The following PDE10A variants were observed in gnomAD, a reference collection of about 807,000 sequenced individuals.
The protein encoded by PDE10A is phosphodiesterase 10A.
PDE10A carries 39 observed loss-of-function variants against 97.7 expected under a neutral mutation model. The ratio of observed to expected loss-of-function variants is 0.40; its 90% confidence interval spans 0.31 to 0.52. PDE10A has a LOEUF of 0.52. Among genes scored for constraint, PDE10A ranks in the 20% least tolerant of loss-of-function variants. PDE10A has a pLI of 0.56. For missense variants in PDE10A, 731 were observed against 1,047.8 expected (o/e 0.70, Z 4.17); for synonymous variants, 371 against 376.8 (o/e 0.98, Z 0.18).
At chr6:165,973,995 G>A (rs1055904392) in intron 1 of PDE10A, among the ~76,000 whole-genome samples, 6 of 152,114 alleles carry the variant, frequency 3.9e-5, no homozygotes, top group South Asian at 2.1e-4. Flanking sequence ...CATCTACAAA[G>A]TACCATTTGA....
At chr6:165,656,410 G>A (rs1789970537) in intron 1 of PDE10A, among the ~76,000 whole-genome samples, 1 of 151,608 alleles carries the variant, frequency 6.6e-6, no homozygotes, top group African/African-American at 2.4e-5. Context: ...GACCATTCAT[G>A]TGCATGGCCC....
In PDE10A at chr6:165,671,696, A is replaced by T. The variant is rs1052910776; in HGVS notation, c.-614-128128T>A. Among the ~76,000 whole-genome samples, 4 of 141,530 alleles carry T rather than the reference A, an allele frequency of 2.8e-5. No homozygotes were observed. Among genetic ancestry groups the T allele is most frequent in the Non-Finnish European group, 5.9e-5 (4 of 67,592 alleles). 92.8% of individuals were successfully genotyped at this position (141,530 alleles called of 152,430 possible). On this transcript the variant is annotated intron_variant, in intron 1 of 19. Coordinates refer to the PDE10A transcript ENST00000366882. This position sits in a 1 kb window ranked among gnomAD's most constrained non-coding sequence, Gnocchi z 4.6. ...AACGGATGAAAAGCAGCTAGATATC[A>T]CACACACACACACACATATATATAG...
At chr6:165,475,228 T>C (rs868275616) in intron 3 of PDE10A, among the ~76,000 whole-genome samples, 2 of 152,210 alleles carry the variant, frequency 1.3e-5, no homozygotes, top group East Asian at 1.9e-4. Context: ...AAACTGATTA[T>C]AACATAATAT....
chr6:165,724,876 C>T (rs995837746), intron 1 of PDE10A, among the ~76,000 whole-genome samples: 4 of 152,178 alleles, frequency 2.6e-5, no homozygotes, highest in Non-Finnish European at 5.9e-5. Flanking sequence ...AGGCAGGTTC[C>T]CTGGTCAGGG....
At chr6:165,494,466 GT>G (rs1562519588) in intron 2 of PDE10A, among the ~76,000 whole-genome samples, 147 of 134,148 alleles carry the variant, frequency 1.1e-3, no homozygotes, top group African/African-American at 4.2e-3. Flanking sequence ...GGGGGGGGGT[GT>G]GTGTGTGTGT....
intron 1 of PDE10A, among the ~76,000 whole-genome samples, chr6:165,984,701 C>T (rs1354668635): frequency 4.1e-5 from 2 of 49,204 alleles, no homozygotes; most frequent in East Asian, 1.7e-3. Flanking sequence ...TTACCAAATG[C>T]CATTTTTTTT....
chr6:165,348,395 A>G (rs1044788278), intron 18 of PDE10A, among the ~76,000 whole-genome samples: 3 of 152,212 alleles, frequency 2.0e-5, no homozygotes, highest in African/African-American at 7.2e-5. Context: ...AATGGTTCTT[A>G]GTTAAGACTA....
At position 165,543,577 on chromosome 6, in the gene PDE10A, G is replaced by C; in HGVS notation, c.866-9C>G. On this transcript the variant is annotated splice_polypyrimidine_tract_variant and intron_variant, in intron 1 of 21. Transcript: ENST00000539869. ...TTTTTCATCTGTCAAACCTGTAAAA[G>C]AATTGAAAAGAATAAAATTCACCTA... The C allele has an allele frequency of 6.3e-7, 1 of 1,596,258 alleles. No homozygotes were observed. Among genetic ancestry groups the C allele is most frequent in the African/African-American group, 1.3e-5 (1 of 74,120 alleles).
intron 1 of PDE10A, among the ~76,000 whole-genome samples, chr6:165,832,197 T>A (rs1779940508): frequency 6.6e-6 from 1 of 152,122 alleles, no homozygotes; most frequent in African/African-American, 2.4e-5. Flanking sequence ...AAAGTCCAAA[T>A]GGAAAATACT....
intron 1 of PDE10A, among the ~76,000 whole-genome samples, chr6:165,901,031 G>A (rs913887590): frequency 6.6e-6 from 1 of 152,184 alleles, no homozygotes; most frequent in African/African-American, 2.4e-5. Flanking sequence ...CCCAGGCTGC[G>A]TGGGATGAAG....
upstream of PDE10A, among the ~76,000 whole-genome samples, chr6:165,664,914 C>T (rs534570977): frequency 2.0e-5 from 3 of 152,206 alleles, no homozygotes; most frequent in African/African-American, 7.2e-5. Flanking sequence ...ATACATTTAA[C>T]TTGCCCATAA....
chr6:165,675,644 T>C (rs1437765886), intron 1 of PDE10A, among the ~76,000 whole-genome samples: 1 of 152,224 alleles, frequency 6.6e-6, no homozygotes, highest in Non-Finnish European at 1.5e-5. Flanking sequence ...AACAGAATTG[T>C]TGTTGCTGAG....
chr6:165,598,820 A>T (rs1270313193), intron 1 of PDE10A, among the ~76,000 whole-genome samples: 6 of 152,190 alleles, frequency 3.9e-5, no homozygotes, highest in Admixed American at 3.9e-4. Context: ...CAGCACTGGG[A>T]CCTAGAGGGC....
chr6:165,893,597 CT>C (rs1281353183), intron 1 of PDE10A, among the ~76,000 whole-genome samples: 1 of 152,172 alleles, frequency 6.6e-6, no homozygotes, highest in Non-Finnish European at 1.5e-5. Flanking sequence ...GGAGGCTGAA[CT>C]TCTCACTCAT....
intron 1 of PDE10A, among the ~76,000 whole-genome samples, chr6:165,736,259 G>T (rs529961778): frequency 1.3e-5 from 2 of 152,312 alleles, no homozygotes; most frequent in South Asian, 4.1e-4. Context: ...GGAGTCTCTA[G>T]TCCCCTCATA....
intron 1 of PDE10A, among the ~76,000 whole-genome samples, chr6:165,879,790 G>A (rs1337666929): frequency 6.6e-6 from 1 of 151,864 alleles, no homozygotes; most frequent in African/African-American, 2.4e-5. Context: ...TTTTGTCACA[G>A]TTTTTAAAAA....
chr6:165,745,329 T>G (rs944189138), intron 1 of PDE10A, among the ~76,000 whole-genome samples: 2 of 152,226 alleles, frequency 1.3e-5, no homozygotes, highest in Non-Finnish European at 2.9e-5. Context: ...TCCAGGATGT[T>G]TTCTAACCTT....
At chr6:165,678,409 C>T (rs562256089) in intron 1 of PDE10A, among the ~76,000 whole-genome samples, 1 of 132,792 alleles carries the variant, frequency 7.5e-6, no homozygotes, top group Admixed American at 7.9e-5. Context: ...CCTTTGTACT[C>T]AGACCTTCTT....
In PDE10A at chr6:165,531,229, G is replaced by T. The variant is rs1390668173; in HGVS notation, c.994+12211C>A. Among the ~76,000 whole-genome samples the T allele has an allele frequency of 2.0e-5, 3 of 151,438 alleles. No individual in the cohort carries two copies. The East Asian group carries it at 5.8e-4, about 29-fold the overall frequency. On this transcript the variant is annotated intron_variant, in intron 2 of 21. Transcript: ENST00000539869. ...ATAACTGATTTCAGTTATATTTATG[G>T]TCTAATTGGTTGCTTACTATTTTTG...
Sources: gnomAD v4.1 joint callset for allele counts (sites outside exome capture counted in the v4.1 genomes callset) on GRCh38, gnomAD v4.1.1 for gene constraint, Gnocchi (gnomAD v3.1) non-coding constraint, MANE v1.5 for transcripts, NCBI Gene and HGNC (gene_info 2026-07-23, HGNC 2026-07-21) for gene names.